Variants in DLG2 observed in about 807,000 individuals in gnomAD.
The protein encoded by DLG2 is disks large homolog 2.
In DLG2, 45 loss-of-function variants were observed where a neutral mutation model predicts 132.5. That is an observed-to-expected ratio of 0.34 (90% confidence interval 0.27 to 0.44). The LOEUF is 0.44. Ranked by LOEUF, DLG2 falls within the 20% of genes least tolerant of loss-of-function variation. The probability of loss-of-function intolerance (pLI) is 1.00; values close to 1 mark genes in which losing one functional copy is unlikely to be tolerated. For missense variants in DLG2, 1,045 were observed against 1,196.9 expected, an observed-to-expected ratio of 0.87 and a Z score of 1.87; for synonymous variants, 424 against 419.6, an observed-to-expected ratio of 1.01 and a Z score of -0.13.
At chr11:83,484,357 G>C in intron 21 of DLG2, 129 bp from the exon 22 acceptor site, 1 of 652,942 alleles carries the variant, frequency 1.5e-6, no homozygotes, top group Non-Finnish European at 2.7e-6. Flanking sequence ...TTCTAAAGTG[G>C]TGCCAGAGAG....
At chr11:83,761,784 T>C (rs565956230) in intron 18 of DLG2, among the ~76,000 whole-genome samples, 3 of 152,172 alleles carry the variant, frequency 2.0e-5, no homozygotes, top group African/African-American at 7.2e-5. Flanking sequence ...GGGAGCTGTA[T>C]CATTCATCCT....
chr11:85,550,537 G>A (rs568981535), intron 3 of DLG2, among the ~76,000 whole-genome samples: 1 of 152,374 alleles, frequency 6.6e-6, no homozygotes, highest in South Asian at 2.1e-4. Context: ...GTGCTGAAGT[G>A]CCTGGTGGAT....
At chr11:84,078,953 A>G (rs773496767) in intron 10 of DLG2, among the ~76,000 whole-genome samples, 7 of 152,154 alleles carry the variant, frequency 4.6e-5, no homozygotes, top group Non-Finnish European at 7.3e-5. Context: ...ATATTTTCCA[A>G]CTTTACCTCT....
At chr11:85,196,360 A>G (rs984113525) in intron 4 of DLG2, among the ~76,000 whole-genome samples, 5 of 152,234 alleles carry the variant, frequency 3.3e-5, no homozygotes, top group Non-Finnish European at 7.3e-5. Flanking sequence ...AATTCTCTAT[A>G]GAGATTACTA....
intron 7 of DLG2, among the ~76,000 whole-genome samples, chr11:84,372,673 C>A (rs937503348): frequency 3.3e-5 from 5 of 152,168 alleles, no homozygotes; most frequent in Non-Finnish European, 5.9e-5. Flanking sequence ...ATATACATTT[C>A]TCTAAAAAGT....
At chr11:85,304,043 C>T (rs186399043) in intron 3 of DLG2, among the ~76,000 whole-genome samples, 1 of 152,194 alleles carries the variant, frequency 6.6e-6, no homozygotes, top group African/African-American at 2.4e-5. Context: ...AAATCTTAGA[C>T]AATCCCAAAT....
At chr11:85,170,561 G>A (rs542117989) in intron 4 of DLG2, among the ~76,000 whole-genome samples, 2 of 152,266 alleles carry the variant, frequency 1.3e-5, no homozygotes, top group Non-Finnish European at 2.9e-5. Context: ...AAAGTACTCA[G>A]CATGACAAAG....
At chr11:85,173,785 C>T (rs1191492185) in intron 4 of DLG2, among the ~76,000 whole-genome samples, 1 of 151,914 alleles carries the variant, frequency 6.6e-6, no homozygotes. Flanking sequence ...GAAAATTTAC[C>T]AAGCAAATGG....
At chr11:83,609,360 C>T (rs2059787759) in intron 19 of DLG2, among the ~76,000 whole-genome samples, 1 of 152,128 alleles carries the variant, frequency 6.6e-6, no homozygotes, top group Non-Finnish European at 1.5e-5. Flanking sequence ...ATTCTTGGTC[C>T]AACAGGTTTA....
At chr11:83,718,125 G>T (rs1022168564) in intron 18 of DLG2, among the ~76,000 whole-genome samples, 10 of 152,200 alleles carry the variant, frequency 6.6e-5, no homozygotes, top group Admixed American at 1.3e-4. Context: ...AAATTAAAAT[G>T]CAATAGTTTA....
At chr11:84,352,844 C>A (rs943212068) in intron 7 of DLG2, among the ~76,000 whole-genome samples, 2 of 152,132 alleles carry the variant, frequency 1.3e-5, no homozygotes, top group Non-Finnish European at 2.9e-5. Flanking sequence ...TGGGTGCTCA[C>A]AAATTATCTT....
intron 19 of DLG2, among the ~76,000 whole-genome samples, chr11:83,613,694 G>T (rs980418649): frequency 6.6e-6 from 1 of 152,140 alleles, no homozygotes; most frequent in African/African-American, 2.4e-5. Context: ...TTCCATGCAA[G>T]AAATCTGAGA....
intron 26 of DLG2, among the ~76,000 whole-genome samples, chr11:83,465,445 A>C (rs1324861374): frequency 1.3e-5 from 2 of 152,020 alleles, no homozygotes; most frequent in African/African-American, 4.8e-5. Context: ...CATAAACATT[A>C]TTTTCCAGTA....
intron 6 of DLG2, among the ~76,000 whole-genome samples, chr11:84,969,220 T>C (rs781165500): frequency 6.6e-6 from 1 of 152,190 alleles, no homozygotes; most frequent in Non-Finnish European, 1.5e-5. Flanking sequence ...AAGAAACAAC[T>C]GGAATTCAGT....
chr11:84,194,220 A>G (rs943308040), intron 8 of DLG2, among the ~76,000 whole-genome samples: 9 of 152,048 alleles, frequency 5.9e-5, no homozygotes, highest in African/African-American at 2.2e-4. Context: ...TGTGTCCAGA[A>G]TTGGTGGGTT....
At chr11:84,902,917 C>T (rs940098581) in intron 6 of DLG2, among the ~76,000 whole-genome samples, 31 of 151,972 alleles carry the variant, frequency 2.0e-4, no homozygotes, top group African/African-American at 7.5e-4. Context: ...TATTGTCTTA[C>T]TTTTACTCCC....
intron 5 of DLG2, among the ~76,000 whole-genome samples, chr11:85,150,800 C>T (rs1435929502): frequency 6.6e-6 from 1 of 150,458 alleles, no homozygotes. Flanking sequence ...GGGTTGCTTC[C>T]ACCACTTGAG....
intron 6 of DLG2, among the ~76,000 whole-genome samples, chr11:84,814,265 T>C (rs1320722533): frequency 2.6e-5 from 4 of 152,044 alleles, no homozygotes; most frequent in Non-Finnish European, 4.4e-5. Flanking sequence ...TGGATGAGCA[T>C]ACTAGTGTAA....
rs147413270 is a variant in DLG2 at position 85,191,494 on chromosome 11, C to T, written c.187-36843G>A. 4.6e-3 allele frequency among the ~76,000 whole-genome samples: 704 copies of T among 152,192 alleles called. 5 individuals carry two copies. The highest frequency in any genetic ancestry group is 0.016 in the African/African-American group (647 of 41,524). On this transcript the variant is annotated intron_variant, in intron 4 of 27. Coordinates refer to ENST00000376104, the MANE Select transcript of DLG2 (RefSeq NM_001142699.3). ...AATGCAAGGAAGAAAACAGTCCTGGCTAGCTTGAAAAAATTTACTGACACG... is the reference window on the plus strand; with the variant it reads ...AATGCAAGGAAGAAAACAGTCCTGGTTAGCTTGAAAAAATTTACTGACACG...
Sources: gnomAD v4.1 joint callset for allele counts (sites outside exome capture counted in the v4.1 genomes callset) on GRCh38, gnomAD v4.1.1 for gene constraint, MANE v1.5 for transcripts, NCBI Gene and HGNC (gene_info 2026-07-23, HGNC 2026-07-21) for gene names.